PDZRN3: variants seen among roughly 807,000 people sequenced by gnomAD.
The protein encoded by PDZRN3 is E3 ubiquitin-protein ligase PDZRN3.
PDZRN3 carries 38 observed loss-of-function variants against 85.7 expected under a neutral mutation model. The observed-to-expected ratio is 0.44, with a 90% CI of 0.34 to 0.58. The LOEUF (loss-of-function observed/expected upper bound fraction) is 0.58. Ranked by LOEUF, PDZRN3 falls within the 20% of genes least tolerant of loss-of-function variation. PDZRN3 has a pLI of 0.01. For missense variants in PDZRN3, 1,629 were observed against 1,506.4 expected, an observed-to-expected ratio of 1.08 and a Z score of -1.35; for synonymous variants, 759 against 638.0, an observed-to-expected ratio of 1.19 and a Z score of -2.86.
chr3:73,525,335 G>C (rs1169379644), intron 3 of PDZRN3, among the ~76,000 whole-genome samples: 1 of 152,154 alleles, frequency 6.6e-6, no homozygotes, highest in Non-Finnish European at 1.5e-5. Context: ...CATGTTTTAT[G>C]AACACATGTC....
At chr3:73,478,840 C>A (rs1265891957) in intron 3 of PDZRN3, among the ~76,000 whole-genome samples, 1 of 152,128 alleles carries the variant, frequency 6.6e-6, no homozygotes, top group Admixed American at 6.5e-5. Flanking sequence ...GGGTTATAAC[C>A]CACAAGAGAT....
intron 3 of PDZRN3, among the ~76,000 whole-genome samples, chr3:73,468,967 G>A (rs371497815): frequency 9.5e-4 from 144 of 152,128 alleles, no homozygotes; most frequent in African/African-American, 3.3e-3. Flanking sequence ...CACCTAATAG[G>A]TGTTCAAGTA....
intron 3 of PDZRN3, among the ~76,000 whole-genome samples, chr3:73,598,879 G>T (rs1702470528): frequency 6.6e-6 from 1 of 152,174 alleles, no homozygotes; most frequent in Non-Finnish European, 1.5e-5. Flanking sequence ...TGTCCCTGAT[G>T]TCCCTGTCAC....
At chr3:73,451,212 C>A (rs984269430) in intron 3 of PDZRN3, among the ~76,000 whole-genome samples, 1 of 152,132 alleles carries the variant, frequency 6.6e-6, no homozygotes, top group African/African-American at 2.4e-5. Context: ...GGCTCACATC[C>A]ACAGGCAATA....
chr3:73,453,162 CT>C (rs1439474092), intron 3 of PDZRN3, among the ~76,000 whole-genome samples: 2 of 152,024 alleles, frequency 1.3e-5, no homozygotes, highest in African/African-American at 2.4e-5. Context: ...AATCCCAGCA[CT>C]TTGGGAGGCC....
chr3:73,549,322 T>A (rs1029122562), intron 3 of PDZRN3, among the ~76,000 whole-genome samples: 6 of 152,184 alleles, frequency 3.9e-5, no homozygotes, highest in African/African-American at 1.4e-4. Flanking sequence ...AATAGGCTCT[T>A]TTCTTCTCTA....
At chr3:73,426,808 G>A (rs1702325137) in intron 3 of PDZRN3, among the ~76,000 whole-genome samples, 1 of 152,078 alleles carries the variant, frequency 6.6e-6, no homozygotes, top group African/African-American at 2.4e-5. Context: ...CTGAGAAAGT[G>A]CATTTCTAAC....
intron 2 of PDZRN3, among the ~76,000 whole-genome samples, chr3:73,608,029 T>C (rs1049844157): frequency 6.6e-6 from 1 of 152,216 alleles, no homozygotes; most frequent in African/African-American, 2.4e-5. Flanking sequence ...GCCCGTTCTT[T>C]GAACATTTTC....
chr3:73,479,566 C>T (rs139966120), intron 3 of PDZRN3, among the ~76,000 whole-genome samples: 4 of 152,312 alleles, frequency 2.6e-5, no homozygotes, highest in South Asian at 2.1e-4. Flanking sequence ...AAGCCAATCA[C>T]GATTTGTGCT....
chr3:73,566,183 T>C (rs904336486), intron 3 of PDZRN3, among the ~76,000 whole-genome samples: 2 of 152,212 alleles, frequency 1.3e-5, no homozygotes, highest in Admixed American at 1.3e-4. Flanking sequence ...TTCAGCAACT[T>C]TGCAATTAGA....
intron 3 of PDZRN3, among the ~76,000 whole-genome samples, chr3:73,524,264 T>G (rs977510864): frequency 6.6e-6 from 1 of 152,224 alleles, no homozygotes; most frequent in East Asian, 1.9e-4. Context: ...AAACTTAAAG[T>G]TGAGGCTTAA....
intron 3 of PDZRN3, among the ~76,000 whole-genome samples, chr3:73,531,207 C>T (rs1279831954): frequency 1.3e-4 from 19 of 146,376 alleles, no homozygotes; most frequent in African/African-American, 4.3e-4. Context: ...GCCGAGATCG[C>T]GCCACTGCAC....
chr3:73,494,768 AAAAG>A (rs1317407636), intron 3 of PDZRN3, among the ~76,000 whole-genome samples: 2 of 152,228 alleles, frequency 1.3e-5, no homozygotes, highest in African/African-American at 4.8e-5. Flanking sequence ...TCTCAGTATC[AAAAG>A]ATAATATCTA....
At chr3:73,498,634 G>T (rs981985275) in intron 3 of PDZRN3, among the ~76,000 whole-genome samples, 1 of 151,740 alleles carries the variant, frequency 6.6e-6, no homozygotes, top group African/African-American at 2.4e-5. Flanking sequence ...GCCCAGGCTG[G>T]AGTGCAATGA....
chr3:73,488,866 C>T (rs1375845996), intron 3 of PDZRN3, among the ~76,000 whole-genome samples: 2 of 152,204 alleles, frequency 1.3e-5, no homozygotes, highest in Admixed American at 1.3e-4. Context: ...CTCCTGGCCC[C>T]CTCCTCCCCA....
In PDZRN3 at chr3:73,384,831, G is replaced by A; in HGVS notation, c.1735C>T (p.Arg579Cys). ...SGVGRTDEST[R>C]NDESSEQENN... ...TCTTGCTCCGAGCTCTCGTCATTAC[G>A]GGTGCTCTCGTCGGTCCGCCCCACA... The change falls in exon 10 of 10, where the codon CGT becomes TGT. Residue 579 changes from arginine (R) to cysteine (C), a missense_variant. By Grantham distance (180) the Arg-to-Cys change is radical. Transcript: ENST00000263666. 2 of 1,614,136 alleles carry A rather than the reference G, an allele frequency of 1.2e-6. No individual in the cohort carries two copies. Among genetic ancestry groups the A allele is most frequent in the Non-Finnish European group, 1.7e-6 (2 of 1,180,044 alleles).
Position 73,384,320 on chromosome 3 carries a change from T to C in PDZRN3, c.2246A>G (p.Lys749Arg). 1 of 1,612,072 alleles carries C rather than the reference T, an allele frequency of 6.2e-7. No individual in the cohort carries two copies. The highest frequency in any genetic ancestry group is 8.5e-7 in the Non-Finnish European group (1 of 1,179,968). Residue 749 changes from lysine to arginine, a missense_variant, in exon 10 of 10, where the codon AAA becomes AGA. Lys to Arg is a conservative substitution (Grantham distance 26). Transcript: ENST00000263666. Reference sequence around the variant, plus strand: ...GGCGCTCGAGCTGTCCTTGTCGGATTTCTCCGGGAGCTCGGTGATATCTGA... The same window carrying C: ...GGCGCTCGAGCTGTCCTTGTCGGATCTCTCCGGGAGCTCGGTGATATCTGA... ...ELSDITELPE[K>R]SDKDSSSAYN...
At chr3:73,478,201 T>C (rs1379093451) in intron 3 of PDZRN3, among the ~76,000 whole-genome samples, 1 of 152,178 alleles carries the variant, frequency 6.6e-6, no homozygotes, top group Non-Finnish European at 1.5e-5. Flanking sequence ...TACCAGTCTG[T>C]GGCCTGTTAG....
intron 5 of PDZRN3, among the ~76,000 whole-genome samples, chr3:73,393,603 C>G (rs1701573461): frequency 6.6e-6 from 1 of 152,182 alleles, no homozygotes; most frequent in African/African-American, 2.4e-5. Context: ...GAAAAGTAAA[C>G]AAACCAGCCA....
Sources: gnomAD v4.1 joint callset for allele counts (sites outside exome capture counted in the v4.1 genomes callset) on GRCh38, gnomAD v4.1.1 for gene constraint, MANE v1.5 for transcripts, NCBI Gene and HGNC (gene_info 2026-07-23, HGNC 2026-07-21) for gene names.